Variants in PRKN observed in about 807,000 individuals in gnomAD.
PRKN encodes the protein parkin RBR E3 ubiquitin protein ligase.
Under a neutral mutation model 59.5 loss-of-function variants are expected in PRKN, and 56 were observed. That is an observed-to-expected ratio of 0.94 (90% confidence interval 0.76 to 1.18). The LOEUF is 1.18. PRKN is among the 50% of genes most tolerant of loss of function. The pLI is 0.00. For missense variants in PRKN, 657 were observed against 596.4 expected (o/e 1.10, Z -1.06); for synonymous variants, 250 against 222.1 (o/e 1.13, Z -1.12).
At chr6:162,390,396 T>TATATATATATATATACACACACAC (rs1180636201) in intron 2 of PRKN, among the ~76,000 whole-genome samples, 8 of 84,114 alleles carry the variant, frequency 9.5e-5, no homozygotes, top group African/African-American at 2.7e-4. Context: ...TATATATATA[T>TATATATATATATATACACACACAC]ACACACACAC....
intron 2 of PRKN, among the ~76,000 whole-genome samples, chr6:162,291,688 C>T (rs1408290339): frequency 6.6e-6 from 1 of 152,188 alleles, no homozygotes; most frequent in Non-Finnish European, 1.5e-5. Context: ...AAAGCCCTGG[C>T]TTTAACAGAG....
Position 161,399,755 on chromosome 6 carries a change from TTC to T in PRKN, c.1084-12880_1084-12879del, listed in dbSNP as rs1484569757. 6.6e-6 allele frequency among the ~76,000 whole-genome samples: 1 copy of T among 152,140 alleles called. No individual in the cohort carries two copies. Among genetic ancestry groups the T allele is most frequent in the East Asian group, 1.9e-4 (1 of 5,194 alleles). Reference sequence around the variant, plus strand: ...AGTGTAATTCACTCTGCTAGTGTAATTCTGCAACACTTTTGTCTTTTTGATTT... The same window carrying T: ...AGTGTAATTCACTCTGCTAGTGTAATTGCAACACTTTTGTCTTTTTGATTT... On this transcript the variant is annotated intron_variant, in intron 9 of 11. Coordinates refer to ENST00000366898, the MANE Select transcript of PRKN (RefSeq NM_004562.3). The surrounding 1 kb of genome is among the most constrained non-coding windows in gnomAD (Gnocchi z 4.4).
intron 2 of PRKN, among the ~76,000 whole-genome samples, chr6:162,345,874 C>A (rs1231853946): frequency 6.6e-6 from 1 of 151,948 alleles, no homozygotes; most frequent in Admixed American, 6.6e-5. Context: ...AAACTTAATC[C>A]CCAAATTCGT....
At chr6:162,331,093 C>G (rs1167119349) in intron 2 of PRKN, among the ~76,000 whole-genome samples, 2 of 151,924 alleles carry the variant, frequency 1.3e-5, no homozygotes, top group Non-Finnish European at 2.9e-5. Flanking sequence ...CTTTGGGAGG[C>G]CAAGGCAGGC....
intron 8 of PRKN, among the ~76,000 whole-genome samples, chr6:161,555,118 C>T (rs986863848): frequency 2.0e-5 from 3 of 152,258 alleles, no homozygotes; most frequent in Admixed American, 1.3e-4. Flanking sequence ...CTAATTCCAA[C>T]AGCTTATCTC....
At chr6:162,244,052 T>C (rs1455973744) in intron 3 of PRKN, among the ~76,000 whole-genome samples, 1 of 152,144 alleles carries the variant, frequency 6.6e-6, no homozygotes, top group Non-Finnish European at 1.5e-5. Flanking sequence ...ACACTTGGTA[T>C]ATACTTGGCA....
chr6:162,248,390 G>C (rs1779287479), intron 3 of PRKN, among the ~76,000 whole-genome samples: 1 of 152,172 alleles, frequency 6.6e-6, no homozygotes, highest in Admixed American at 6.6e-5. Flanking sequence ...GCTGGTCACT[G>C]TAGTAATTAA....
intron 2 of PRKN, among the ~76,000 whole-genome samples, chr6:162,294,609 T>C (rs1052245702): frequency 6.6e-6 from 1 of 152,126 alleles, no homozygotes; most frequent in Non-Finnish European, 1.5e-5. Flanking sequence ...CACGATTTAA[T>C]TGGGCAACTG....
At chr6:162,580,227 A>G (rs1780734923) in intron 1 of PRKN, among the ~76,000 whole-genome samples, 1 of 152,162 alleles carries the variant, frequency 6.6e-6, no homozygotes, top group African/African-American at 2.4e-5. Flanking sequence ...GCTTGAGCCC[A>G]GGAGTTTGAG....
chr6:161,372,856 G>T lies in PRKN; in HGVS notation c.1168-12651C>A, dbSNP rs1785496091. Among the ~76,000 whole-genome samples the T allele has an allele frequency of 6.8e-6, 1 of 147,322 alleles. No individual in the cohort carries two copies. The highest frequency in any genetic ancestry group is 2.0e-4 in the East Asian group (1 of 5,096). On this transcript the variant is annotated intron_variant, in intron 10 of 11. Coordinates refer to ENST00000366898, the MANE Select transcript of PRKN (RefSeq NM_004562.3). The surrounding 1 kb of genome is among the most constrained non-coding windows in gnomAD (Gnocchi z 4.2). The stretch of plus-strand genomic sequence containing the variant: ...TTTTTTTTTTTTTTTTTGAGACAGG[G>T]TCTCACTCTGTTGCCCAGGCTGGAG...
intron 7 of PRKN, among the ~76,000 whole-genome samples, chr6:161,634,388 T>C (rs1473543372): frequency 2.6e-5 from 4 of 152,178 alleles, no homozygotes; most frequent in African/African-American, 9.7e-5. Flanking sequence ...TACAGTAGAA[T>C]GGGCTCAGCA....
In PRKN at chr6:162,020,332, CAAAAAA is replaced by C. The variant is rs771141235; in HGVS notation, c.618+33753_618+33758del. On this transcript the variant is annotated intron_variant, in intron 5 of 11. Coordinates refer to ENST00000366898, the MANE Select transcript of PRKN (RefSeq NM_004562.3). Reference sequence around the variant, plus strand: ...AATGCTGACTAAGTGACCAATGAATCAAAAAAAAAAAAAAAAAAAAAAAAAACAGAT... The same window carrying C: ...AATGCTGACTAAGTGACCAATGAATCAAAAAAAAAAAAAAAAAAAACAGAT... Among the ~76,000 whole-genome samples the C allele has an allele frequency of 8.8e-4, 40 of 45,500 alleles. No homozygotes were observed. In the East Asian group the frequency reaches 0.038, roughly 43 times the overall value. 29.8% of individuals were successfully genotyped at this position (45,500 alleles called of 152,430 possible). A position where few individuals can be genotyped will look rare whatever the true frequency, so the allele number is the denominator to read the frequency against.
chr6:161,985,793 C>T (rs1426883770), intron 5 of PRKN, among the ~76,000 whole-genome samples: 3 of 152,172 alleles, frequency 2.0e-5, no homozygotes, highest in Non-Finnish European at 4.4e-5. Flanking sequence ...CCCACCTCTC[C>T]CTTGGCCTGC....
intron 2 of PRKN, among the ~76,000 whole-genome samples, chr6:162,354,077 T>C (rs1453805732): frequency 6.6e-6 from 1 of 152,164 alleles, no homozygotes; most frequent in Admixed American, 6.6e-5. Flanking sequence ...AATGGGTGTA[T>C]TTGTCTAGAA....
chr6:162,508,983 G>A (rs1793726641), intron 1 of PRKN, among the ~76,000 whole-genome samples: 1 of 152,162 alleles, frequency 6.6e-6, no homozygotes, highest in Non-Finnish European at 1.5e-5. Context: ...ATCTTCTCAT[G>A]AGCACAAATC....
At chr6:162,088,555 T>C (rs1160933009) in intron 4 of PRKN, among the ~76,000 whole-genome samples, 3 of 152,086 alleles carry the variant, frequency 2.0e-5, no homozygotes, top group Non-Finnish European at 4.4e-5. Context: ...AACAAAGAGA[T>C]TACAATCTGG....
At chr6:161,600,358 T>A (rs1782063383) in intron 7 of PRKN, among the ~76,000 whole-genome samples, 1 of 152,222 alleles carries the variant, frequency 6.6e-6, no homozygotes, top group African/African-American at 2.4e-5. Flanking sequence ...TGCATCCTCC[T>A]GTTCAAATCC....
At chr6:161,635,728 G>T (rs756652968) in intron 7 of PRKN, among the ~76,000 whole-genome samples, 1 of 152,196 alleles carries the variant, frequency 6.6e-6, no homozygotes, top group Non-Finnish European at 1.5e-5. Context: ...GTGAAAAGTG[G>T]AGAGTTCCAG....
intron 6 of PRKN, among the ~76,000 whole-genome samples, chr6:161,924,620 C>T (rs1778899916): frequency 6.6e-6 from 1 of 152,078 alleles, no homozygotes; most frequent in African/African-American, 2.4e-5. Flanking sequence ...CAGGGGAAGT[C>T]CAGATAGGTT....
Sources: allele counts gnomAD v4.1 joint callset (sites outside exome capture counted in the v4.1 genomes callset), GRCh38; gene constraint gnomAD v4.1.1; non-coding constraint Gnocchi (gnomAD v3.1); transcripts MANE v1.5; gene names NCBI Gene and HGNC (gene_info 2026-07-23, HGNC 2026-07-21).